Variants in LRP1B observed in about 807,000 individuals in gnomAD.
LRP1B encodes LDL receptor related protein 1B, also known as low-density lipoprotein receptor-related protein 1B.
Under a neutral mutation model 556.6 loss-of-function variants are expected in LRP1B, and 217 were observed. That is an observed-to-expected ratio of 0.39 (90% CI 0.35 to 0.44). The LOEUF (loss-of-function observed/expected upper bound fraction) is 0.44. Ranked by LOEUF, LRP1B falls within the 20% of genes least tolerant of loss-of-function variation. The pLI, the probability that LRP1B is intolerant of heterozygous loss-of-function variation, is 1.00. For synonymous variants in LRP1B, 2,047 were observed against 1,865.8 expected (o/e 1.10, Z -2.50); for missense variants, 5,053 against 5,620.8 (o/e 0.90, Z 3.23).
At chr2:142,069,644 A>G (rs1705238947) in intron 1 of LRP1B, among the ~76,000 whole-genome samples, 1 of 151,768 alleles carries the variant, frequency 6.6e-6, no homozygotes, top group South Asian at 2.1e-4. Flanking sequence ...ATTAAATACG[A>G]CAAAGCATGT....
chr2:141,928,493 T>A (rs892885), intron 1 of LRP1B, among the ~76,000 whole-genome samples: 131,014 of 152,130 alleles, frequency 0.86, 56,577 homozygotes, highest in East Asian at 1. Context: ...ATTTTGTAAT[T>A]TGTTAATGCT....
chr2:141,832,912 C>T (rs1187643036), intron 1 of LRP1B, among the ~76,000 whole-genome samples: 2 of 151,632 alleles, frequency 1.3e-5, no homozygotes, highest in East Asian at 3.9e-4. Context: ...GAACAAAATA[C>T]CACATTATTT....
chr2:140,753,988 A>G (rs967736320), intron 35 of LRP1B, among the ~76,000 whole-genome samples: 6 of 152,178 alleles, frequency 3.9e-5, no homozygotes, highest in African/African-American at 1.2e-4. Flanking sequence ...CCTTGCTGGT[A>G]GCACAGAAGT....
At chr2:141,841,794 A>G (rs1697482127) in intron 1 of LRP1B, among the ~76,000 whole-genome samples, 1 of 152,210 alleles carries the variant, frequency 6.6e-6, no homozygotes, top group Admixed American at 6.5e-5. Context: ...AATGGTAGCA[A>G]GAGGGTTACC....
At chr2:141,053,292 G>A (rs1036354606) in intron 10 of LRP1B, among the ~76,000 whole-genome samples, 1 of 151,968 alleles carries the variant, frequency 6.6e-6, no homozygotes, top group East Asian at 2.0e-4. Flanking sequence ...GCTTCTGCTG[G>A]TATCAATCTA....
chr2:141,077,596 T>C (rs1337852520), intron 7 of LRP1B, among the ~76,000 whole-genome samples: 1 of 152,220 alleles, frequency 6.6e-6, no homozygotes. Context: ...ATGATTATCT[T>C]CAATACTTTG....
chr2:140,598,945 C>T (rs1682549119), intron 42 of LRP1B, 110 bp from the exon 43 acceptor site: 2 of 689,760 alleles, frequency 2.9e-6, no homozygotes, highest in Non-Finnish European at 2.5e-6. Context: ...AATTATTTAC[C>T]TCATATTCTA....
intron 6 of LRP1B, among the ~76,000 whole-genome samples, chr2:141,219,812 A>G (rs76762504): frequency 0.044 from 6,655 of 152,200 alleles, 164 homozygotes; most frequent in South Asian, 0.11. Flanking sequence ...TTGGGTCTGC[A>G]GTTGTCCCCC....
At chr2:141,831,695 G>A (rs1697116330) in intron 1 of LRP1B, among the ~76,000 whole-genome samples, 1 of 151,520 alleles carries the variant, frequency 6.6e-6, no homozygotes, top group Non-Finnish European at 1.5e-5. Flanking sequence ...ATCAGTTTTT[G>A]TCAGGTATAA....
intron 2 of LRP1B, among the ~76,000 whole-genome samples, chr2:141,711,937 A>T (rs1341456628): frequency 7.0e-6 from 1 of 142,588 alleles, no homozygotes; most frequent in Non-Finnish European, 1.5e-5. Flanking sequence ...TCTGTCATAA[A>T]TATGAACACA....
At chr2:140,661,235 T>G (rs1467839917) in intron 41 of LRP1B, among the ~76,000 whole-genome samples, 1 of 152,082 alleles carries the variant, frequency 6.6e-6, no homozygotes, top group Non-Finnish European at 1.5e-5. Context: ...AAAAACATGA[T>G]AGGGATATAA....
At chr2:140,372,783 A>T (rs1295339147) in intron 69 of LRP1B, among the ~76,000 whole-genome samples, 3 of 152,160 alleles carry the variant, frequency 2.0e-5, no homozygotes, top group African/African-American at 4.8e-5. Context: ...AAATTTGGGG[A>T]AATTATGCTT....
intron 45 of LRP1B, among the ~76,000 whole-genome samples, chr2:140,538,569 C>T (rs62171871): frequency 0.49 from 74,659 of 151,380 alleles, 18,723 homozygotes; most frequent in East Asian, 0.61. Context: ...AGATATATTT[C>T]TTTTCTCTTG....
chr2:141,243,383 G>A (rs1204343121), intron 5 of LRP1B, among the ~76,000 whole-genome samples: 1 of 152,108 alleles, frequency 6.6e-6, no homozygotes, highest in East Asian at 1.9e-4. Flanking sequence ...CTCAAAGGCT[G>A]AGGTAGAAAA....
At chr2:140,895,054 A>G (rs149188667) in intron 23 of LRP1B, among the ~76,000 whole-genome samples, 6 of 152,278 alleles carry the variant, frequency 3.9e-5, no homozygotes, top group Non-Finnish European at 1.5e-5. Flanking sequence ...AAATACACAT[A>G]GAGGAATGTG....
At chr2:141,722,745 G>C (rs550717709) in intron 2 of LRP1B, among the ~76,000 whole-genome samples, 1 of 150,330 alleles carries the variant, frequency 6.7e-6, no homozygotes, top group Non-Finnish European at 1.5e-5. Context: ...TAGATAGATA[G>C]ATAGATAGAT....
intron 3 of LRP1B, among the ~76,000 whole-genome samples, chr2:141,391,625 T>C (rs1005560820): frequency 1.3e-5 from 2 of 151,938 alleles, no homozygotes; most frequent in African/African-American, 4.8e-5. Flanking sequence ...AAAAAAAATA[T>C]GAGATGATCA....
intron 26 of LRP1B, 127 bp from the exon 27 acceptor site, chr2:140,867,961 T>C: frequency 7.7e-7 from 1 of 1,301,534 alleles, no homozygotes; most frequent in Non-Finnish European, 1.0e-6. Context: ...CTGTATCTGA[T>C]TTGGGGCAAG....
Position 140,534,053 on chromosome 2 carries a change from C to T in LRP1B, c.7730G>A (p.Cys2577Tyr), listed in dbSNP as rs2104994532. 4 of 1,613,492 alleles carry T rather than the reference C, an allele frequency of 2.5e-6. No homozygotes were observed. Among genetic ancestry groups the T allele is most frequent in the South Asian group, 1.1e-5 (1 of 91,064 alleles). ...ATCTAATTCATCAGAGTTGTCTCCG[C>T]AGTCATTTTCTCCATCACATAACTT... Reference protein sequence around the residue: ...HGKLCDGENDCGDNSDELDCK... With the variant: ...HGKLCDGENDYGDNSDELDCK... The change falls in exon 47 of 91, where the codon TGC (cysteine) becomes TAC (tyrosine). Residue 2577 changes from cysteine to tyrosine, a missense_variant. Cys to Tyr is a radical substitution (Grantham distance 194). Transcript: ENST00000389484.
Sources: gnomAD v4.1 joint callset for allele counts (sites outside exome capture counted in the v4.1 genomes callset) on GRCh38, gnomAD v4.1.1 for gene constraint, MANE v1.5 for transcripts, NCBI Gene and HGNC (gene_info 2026-07-23, HGNC 2026-07-21) for gene names.